RCAN2: variants seen among roughly 807,000 people sequenced by gnomAD.
RCAN2 encodes the protein regulator of calcineurin 2.
A neutral mutation model predicts 23.6 loss-of-function variants in RCAN2; 9 were observed. The ratio of observed to expected loss-of-function variants is 0.38; its 90% CI spans 0.23 to 0.67. The LOEUF is 0.67. Among genes scored for constraint, RCAN2 ranks in the 30% least tolerant of loss-of-function variants. The pLI is 0.51. For synonymous variants in RCAN2, 109 were observed against 115.7 expected (o/e 0.94, Z 0.37); for missense variants, 273 against 302.3 (o/e 0.90, Z 0.72).
intron 2 of RCAN2, among the ~76,000 whole-genome samples, chr6:46,424,184 G>C (rs554415679): frequency 9.9e-5 from 15 of 152,242 alleles, no homozygotes; most frequent in African/African-American, 3.6e-4. Context: ...TAAGAGCATG[G>C]CACCATTTTA....
intron 4 of RCAN2, among the ~76,000 whole-genome samples, chr6:46,239,100 T>C (rs59311337): frequency 0.051 from 7,723 of 152,278 alleles, 696 homozygotes; most frequent in African/African-American, 0.18. Context: ...ACTCACATCC[T>C]ATGTTTCAAT....
intron 2 of RCAN2, among the ~76,000 whole-genome samples, chr6:46,304,238 T>A (rs1306401133): frequency 2.6e-5 from 4 of 152,280 alleles, no homozygotes; most frequent in African/African-American, 9.6e-5. Flanking sequence ...GAAATGTCTG[T>A]TCAAGTATTT....
intron 4 of RCAN2, among the ~76,000 whole-genome samples, chr6:46,232,618 C>T (rs1027657491): frequency 1.3e-5 from 2 of 151,714 alleles, no homozygotes; most frequent in African/African-American, 4.8e-5. Context: ...ATGGGGAAAC[C>T]CCCACCTCTA....
intron 2 of RCAN2, among the ~76,000 whole-genome samples, chr6:46,389,727 C>A (rs1312814111): frequency 2.6e-5 from 4 of 152,048 alleles, no homozygotes; most frequent in African/African-American, 9.7e-5. Context: ...GCTGCTGAGG[C>A]CTTATAGCCC....
chr6:46,243,819 AAAAAAAAAAAAAAC>A (rs986880201), intron 4 of RCAN2, among the ~76,000 whole-genome samples: 5 of 149,538 alleles, frequency 3.3e-5, no homozygotes, highest in African/African-American at 1.2e-4. Flanking sequence ...CAAAAAAAAA[AAAAAAAAAAAAAAC>A]CAAGAAATAA....
intron 2 of RCAN2, among the ~76,000 whole-genome samples, chr6:46,323,214 A>C (rs1401555523): frequency 6.6e-6 from 1 of 152,160 alleles, no homozygotes; most frequent in Admixed American, 6.5e-5. Flanking sequence ...AAAGATGACA[A>C]TGATGACGAT....
chr6:46,329,716 G>A (rs1465798685), intron 2 of RCAN2, among the ~76,000 whole-genome samples: 4 of 152,170 alleles, frequency 2.6e-5, no homozygotes, highest in Non-Finnish European at 4.4e-5. Flanking sequence ...CTGTTCAGGA[G>A]TGTCCTTTCC....
chr6:46,477,696 C>T (rs943269371), intron 1 of RCAN2, among the ~76,000 whole-genome samples: 4 of 152,258 alleles, frequency 2.6e-5, no homozygotes, highest in South Asian at 2.1e-4. Flanking sequence ...AAAATAACGT[C>T]GTTACCAATT....
chr6:46,249,068 C>A (rs1486163835), intron 2 of RCAN2, among the ~76,000 whole-genome samples, 172 bp from the exon 3 acceptor site: 2 of 151,562 alleles, frequency 1.3e-5, no homozygotes, highest in Non-Finnish European at 2.9e-5. Context: ...AGGTGCAAAA[C>A]ATGCCTGAAT....
intron 2 of RCAN2, among the ~76,000 whole-genome samples, chr6:46,261,798 T>C (rs9296482): frequency 0.78 from 119,143 of 152,132 alleles, 47,015 homozygotes; most frequent in Non-Finnish European, 0.83. Flanking sequence ...AAAATTTCTT[T>C]TTTGTCTGTA....
intron 2 of RCAN2, among the ~76,000 whole-genome samples, chr6:46,353,884 T>A (rs1213606451): frequency 6.6e-6 from 1 of 152,220 alleles, no homozygotes; most frequent in African/African-American, 2.4e-5. Context: ...TATCAGGCTT[T>A]AAGACCTAAA....
At chr6:46,318,334 C>T (rs1195611909) in intron 2 of RCAN2, among the ~76,000 whole-genome samples, 1 of 151,940 alleles carries the variant, frequency 6.6e-6, no homozygotes, top group African/African-American at 2.4e-5. Flanking sequence ...CTAACAGAAG[C>T]ATAGATAGGT....
chr6:46,309,078 A>G (rs1187530948), intron 2 of RCAN2, among the ~76,000 whole-genome samples: 1 of 152,182 alleles, frequency 6.6e-6, no homozygotes, highest in Non-Finnish European at 1.5e-5. Flanking sequence ...AATCAATAGA[A>G]AAGAGATGGG....
chr6:46,469,336 A>AT (rs1768487414), intron 1 of RCAN2, among the ~76,000 whole-genome samples: 1 of 152,204 alleles, frequency 6.6e-6, no homozygotes, highest in South Asian at 2.1e-4. Flanking sequence ...TAGAAAAAAA[A>AT]CAAACTGAAA....
At chr6:46,313,092 TTAGTG>T (rs1206499624) in intron 2 of RCAN2, among the ~76,000 whole-genome samples, 1 of 152,212 alleles carries the variant, frequency 6.6e-6, no homozygotes, top group African/African-American at 2.4e-5. Context: ...CATTTCTGCT[TTAGTG>T]TAGGCCTCTT....
chr6:46,273,432 TG>T (rs1236970854), intron 2 of RCAN2, among the ~76,000 whole-genome samples: 1 of 152,228 alleles, frequency 6.6e-6, no homozygotes, highest in Non-Finnish European at 1.5e-5. Context: ...CCTTTGATAT[TG>T]ATTATATCAT....
intron 2 of RCAN2, among the ~76,000 whole-genome samples, chr6:46,288,705 T>C (rs1348658970): frequency 1.3e-5 from 2 of 152,276 alleles, no homozygotes; most frequent in Non-Finnish European, 2.9e-5. Context: ...GTATAACTTT[T>C]GGCCTAGGAA....
chr6:46,335,585 G>A (rs997384241), intron 2 of RCAN2, among the ~76,000 whole-genome samples: 10 of 152,186 alleles, frequency 6.6e-5, no homozygotes, highest in African/African-American at 2.4e-4. Flanking sequence ...GCAGTCTTGA[G>A]ATGAGGGGGC....
intron 1 of RCAN2, chr6:46,468,900 C>T: frequency 2.1e-6 from 2 of 943,896 alleles, no homozygotes; most frequent in Non-Finnish European, 2.5e-6. Flanking sequence ...TTTTCATTCT[C>T]TCCTCCTTAA....
Sources: gnomAD v4.1 joint callset for allele counts (sites outside exome capture counted in the v4.1 genomes callset) on GRCh38, gnomAD v4.1.1 for gene constraint, MANE v1.5 for transcripts, NCBI Gene and HGNC (gene_info 2026-07-23, HGNC 2026-07-21) for gene names.